Variants in SNTG1 observed in about 807,000 individuals in gnomAD.
SNTG1 encodes the protein gamma-1-syntrophin.
Under a neutral mutation model 74.7 loss-of-function variants are expected in SNTG1, and 39 were observed. That is an observed-to-expected ratio of 0.52 (90% CI 0.40 to 0.68). The LOEUF (loss-of-function observed/expected upper bound fraction) is 0.68. Ranked by LOEUF, SNTG1 falls within the 30% of genes least tolerant of loss-of-function variation. SNTG1 has a pLI of 0.00. For missense variants in SNTG1, 685 were observed against 609.5 expected (o/e 1.12, Z -1.30); for synonymous variants, 254 against 217.1 (o/e 1.17, Z -1.49).
chr8:50,448,953 G>A (rs1314588255), intron 5 of SNTG1, among the ~76,000 whole-genome samples: 8 of 152,034 alleles, frequency 5.3e-5, no homozygotes, highest in East Asian at 3.9e-4. Flanking sequence ...GCGTGAACCC[G>A]GCAGGTGGAG....
In SNTG1 at chr8:50,708,912, A is replaced by C; in HGVS notation, c.1218A>C (p.Glu406Asp). The C allele has an allele frequency of 6.2e-7, 1 of 1,613,792 alleles. No homozygotes were observed. The highest frequency in any genetic ancestry group is 8.5e-7 in the Non-Finnish European group (1 of 1,179,818). Residue 406 changes from glutamate to aspartate, a missense_variant, in exon 17 of 19, where the codon GAA becomes GAC. By Grantham distance (45) the Glu-to-Asp change is conservative. Transcript: ENST00000642720. ...GCAAGACCTATGCATGTGTGCTAGA[A>C]AGTCATCTAATGGGACTCACAATTG... ...IQCKTYACVL[E>D]SHLMGLTIDF...
Position 50,495,584 on chromosome 8 carries a change from C to T in SNTG1, c.364-7194C>T, listed in dbSNP as rs539912218. On this transcript the variant is annotated intron_variant, in intron 8 of 18. Transcript: ENST00000642720. Reference sequence around the variant, plus strand: ...AGGTTTTCTTAGATGCAGCTCTATACCCTACTTTCCAGCTGGGTAATTTCT... The same window carrying T: ...AGGTTTTCTTAGATGCAGCTCTATATCCTACTTTCCAGCTGGGTAATTTCT... Among the ~76,000 whole-genome samples, 73 of 152,024 alleles carry T rather than the reference C, an allele frequency of 4.8e-4. 1 individual carries two copies. The highest frequency in any genetic ancestry group is 1.7e-3 in the African/African-American group (72 of 41,478).
intron 1 of SNTG1, among the ~76,000 whole-genome samples, chr8:50,140,871 T>C (rs907698053): frequency 6.6e-6 from 1 of 152,302 alleles, no homozygotes; most frequent in East Asian, 1.9e-4. Flanking sequence ...AATACTTGTA[T>C]ACATTGGTTC....
intron 12 of SNTG1, among the ~76,000 whole-genome samples, chr8:50,559,558 A>G (rs961676984): frequency 6.6e-6 from 1 of 152,178 alleles, no homozygotes; most frequent in African/African-American, 2.4e-5. Flanking sequence ...GAGGAATTCT[A>G]AAGATATTGG....
intron 2 of SNTG1, among the ~76,000 whole-genome samples, chr8:50,293,773 A>AGTAC (rs1167760152): frequency 6.6e-6 from 1 of 152,186 alleles, no homozygotes; most frequent in Non-Finnish European, 1.5e-5. Flanking sequence ...TCATATCTGT[A>AGTAC]GTACAGGGGT....
At chr8:50,305,867 G>T (rs1476042346) in intron 2 of SNTG1, among the ~76,000 whole-genome samples, 1 of 150,334 alleles carries the variant, frequency 6.7e-6, no homozygotes, top group African/African-American at 2.4e-5. Context: ...CACCAACATT[G>T]CCAAAAGTTA....
At chr8:50,327,507 G>A (rs2090796248) in intron 2 of SNTG1, among the ~76,000 whole-genome samples, 1 of 152,094 alleles carries the variant, frequency 6.6e-6, no homozygotes, top group South Asian at 2.1e-4. Context: ...TATAAACATT[G>A]TATGTCTTTC....
chr8:49,964,552 C>A (rs1011598886), intron 1 of SNTG1, among the ~76,000 whole-genome samples: 11 of 152,154 alleles, frequency 7.2e-5, no homozygotes, highest in African/African-American at 2.7e-4. Flanking sequence ...CAGGCATATA[C>A]TCTATCTGTT....
rs1824463 is a variant in SNTG1, at chr8:50,194,832, C to T, written c.-28+22197C>T. Among the ~76,000 whole-genome samples, 762 of 152,120 alleles carry T rather than the reference C, an allele frequency of 5.0e-3. 10 individuals are homozygous for T. The highest frequency in any genetic ancestry group is 0.018 in the African/African-American group (728 of 41,510). On this transcript the variant is annotated intron_variant, in intron 2 of 18. Coordinates refer to ENST00000642720, the MANE Select transcript of SNTG1 (RefSeq NM_018967.5). Reference sequence around the variant, plus strand: ...CTATGAACTTTCCTCTTGGCACCGCCTTTGCATTAGCCCAGAGATTTTGAT... The same window carrying T: ...CTATGAACTTTCCTCTTGGCACCGCTTTTGCATTAGCCCAGAGATTTTGAT...
At chr8:50,354,989 G>A (rs1156696949) in intron 2 of SNTG1, among the ~76,000 whole-genome samples, 1 of 152,180 alleles carries the variant, frequency 6.6e-6, no homozygotes, top group Non-Finnish European at 1.5e-5. Flanking sequence ...TTAGATTTGA[G>A]ATGCACGTGT....
intron 1 of SNTG1, among the ~76,000 whole-genome samples, chr8:50,047,893 G>A (rs1307321556): frequency 6.6e-6 from 1 of 152,124 alleles, no homozygotes. Flanking sequence ...GGTGAATCCT[G>A]AGTTAGTGGT....
intron 1 of SNTG1, among the ~76,000 whole-genome samples, chr8:49,952,554 G>T (rs1389851790): frequency 6.6e-6 from 1 of 152,188 alleles, no homozygotes; most frequent in Non-Finnish European, 1.5e-5. Flanking sequence ...TAGAGAAATA[G>T]GCAGTAGGCT....
chr8:50,463,857 G>C (rs1216407914), intron 8 of SNTG1, among the ~76,000 whole-genome samples: 2 of 152,208 alleles, frequency 1.3e-5, no homozygotes, highest in Admixed American at 6.5e-5. Flanking sequence ...GCATCCAGCA[G>C]AAGGCTATTT....
intron 2 of SNTG1, among the ~76,000 whole-genome samples, chr8:50,184,996 T>A (rs1263961378): frequency 6.6e-6 from 1 of 152,196 alleles, no homozygotes; most frequent in Non-Finnish European, 1.5e-5. Flanking sequence ...TTATTCAAGG[T>A]TATACTTTCT....
intron 1 of SNTG1, among the ~76,000 whole-genome samples, chr8:49,940,409 G>A (rs16914070): frequency 0.013 from 2,011 of 152,240 alleles, 44 homozygotes; most frequent in African/African-American, 0.045. Context: ...GTGAAAAGGG[G>A]AATGGCTAAT....
intron 1 of SNTG1, among the ~76,000 whole-genome samples, chr8:50,055,731 A>C (rs995380264): frequency 6.6e-6 from 1 of 152,104 alleles, no homozygotes; most frequent in Non-Finnish European, 1.5e-5. Context: ...GTCCTGAGAA[A>C]AGGTACCTCG....
rs11335336 is a variant in SNTG1 at position 49,911,551 on chromosome 8, CA to C, written c.-771del. Reference sequence around the variant, plus strand: ...AATTTGGAGAAACAATTAGCCCCTACAAAAAAAAAAAAGAAAGAAAAAAGAA... The same window carrying C: ...AATTTGGAGAAACAATTAGCCCCTACAAAAAAAAAAAGAAAGAAAAAAGAA... On this transcript the variant is annotated 5_prime_UTR_variant, in exon 1 of 19. Coordinates refer to ENST00000642720, the MANE Select transcript of SNTG1 (RefSeq NM_018967.5). 0.033 allele frequency: 2,683 copies of C among 80,320 alleles called. 61 individuals are homozygous for C. Among genetic ancestry groups the C allele is most frequent in the African/African-American group, 0.081 (2,057 of 25,314 alleles). The allele number at this position is 80,320 out of a possible 1,614,324, so 5.0% of individuals were successfully genotyped here.
intron 11 of SNTG1, among the ~76,000 whole-genome samples, chr8:50,546,634 T>C (rs2094390359): frequency 1.3e-5 from 2 of 151,730 alleles, no homozygotes; most frequent in African/African-American, 4.8e-5. Context: ...CATGCGGTGT[T>C]TGGATTTTTG....
At chr8:50,217,996 A>G (rs2084878505) in intron 2 of SNTG1, among the ~76,000 whole-genome samples, 1 of 152,222 alleles carries the variant, frequency 6.6e-6, no homozygotes, top group Non-Finnish European at 1.5e-5. Context: ...CAAATATAAC[A>G]AAAATACCAA....
Sources: allele counts gnomAD v4.1 joint callset (sites outside exome capture counted in the v4.1 genomes callset), GRCh38; gene constraint gnomAD v4.1.1; transcripts MANE v1.5; gene names NCBI Gene and HGNC (gene_info 2026-07-23, HGNC 2026-07-21).